The following USP7 variants were observed in gnomAD, a reference collection of about 807,000 sequenced individuals.
USP7 encodes the protein ubiquitin specific peptidase 7.
In USP7, 9 loss-of-function variants were observed where a neutral mutation model predicts 162.9. The ratio of observed to expected loss-of-function variants is 0.06; its 90% CI spans 0.03 to 0.10. USP7 has a LOEUF of 0.10. Ranked by LOEUF, USP7 falls within the 10% of genes least tolerant of loss-of-function variation. USP7 has a pLI of 1.00. For synonymous variants in USP7, 562 were observed against 475.9 expected (o/e 1.18, Z -2.35); for missense variants, 715 against 1,373.7 (o/e 0.52, Z 7.58).
In USP7 at chr16:8,892,742, T is replaced by C. The variant is rs149429512; in HGVS notation, c.*1256A>G. On this transcript the variant is annotated 3_prime_UTR_variant, in exon 31 of 31. Coordinates refer to ENST00000344836, the MANE Select transcript of USP7 (RefSeq NM_003470.3). The stretch of plus-strand genomic sequence containing the variant: ...GGCCTGTTTCCAGGGAGAGTAGAAA[T>C]CTTCCTCCACTTCCACGTAACTCAC... The C allele has an allele frequency of 6.6e-6, 1 of 151,906 alleles. No individual in the cohort carries two copies. Among genetic ancestry groups the C allele is most frequent in the African/African-American group, 2.4e-5 (1 of 41,436 alleles). The allele number at this position is 151,906 out of a possible 1,614,324, so 9.4% of individuals were successfully genotyped here.
intron 1 of USP7, among the ~76,000 whole-genome samples, chr16:8,951,441 A>C (rs1375805332): frequency 6.6e-6 from 1 of 152,146 alleles, no homozygotes; most frequent in East Asian, 1.9e-4. Context: ...CTCCACAGAG[A>C]ACACAGCCCG....
chr16:8,917,276 T>C (rs1897423105), intron 6 of USP7, 120 bp from the exon 7 acceptor site: 1 of 1,241,908 alleles, frequency 8.1e-7, no homozygotes. Context: ...TGGCTAAGGT[T>C]GTTGTTAGGG....
chr16:8,916,485 T>C lies in USP7; in HGVS notation c.906+17A>G, dbSNP rs759338872. On this transcript the variant is annotated intron_variant, in intron 8 of 30. Transcript: ENST00000344836. The stretch of plus-strand genomic sequence containing the variant: ...ATATTCATTGTAAGAAATATACAAG[T>C]ATTGCTTGAAACTTACCACTCGACA... The C allele has an allele frequency of 1.9e-6, 3 of 1,605,458 alleles. No individual in the cohort carries two copies. The highest frequency in any genetic ancestry group is 4.5e-5 in the East Asian group (2 of 44,624).
chr16:8,931,609 C>T (rs999675368), intron 1 of USP7, among the ~76,000 whole-genome samples: 1 of 152,182 alleles, frequency 6.6e-6, no homozygotes, highest in Admixed American at 6.5e-5. Flanking sequence ...AATGCTTGGG[C>T]TGAAAAACAC....
At chr16:8,934,683 A>G (rs1017835123) in intron 1 of USP7, among the ~76,000 whole-genome samples, 5 of 152,226 alleles carry the variant, frequency 3.3e-5, no homozygotes, top group African/African-American at 1.2e-4. Context: ...AACACATCTG[A>G]GTTGGTGTGG....
intron 26 of USP7, among the ~76,000 whole-genome samples, chr16:8,896,367 ACT>A (rs2061681743): frequency 6.6e-6 from 1 of 151,900 alleles, no homozygotes; most frequent in Non-Finnish European, 1.5e-5. Flanking sequence ...TTCCTCGCTT[ACT>A]CTTATTAGGT....
At chr16:8,911,470 T>A (rs973474675) in intron 10 of USP7, among the ~76,000 whole-genome samples, 1 of 152,142 alleles carries the variant, frequency 6.6e-6, no homozygotes, top group African/African-American at 2.4e-5. Context: ...GAATTGTATA[T>A]CCAGAGTGTA....
chr16:8,925,973 T>A (rs1897965912), intron 2 of USP7, among the ~76,000 whole-genome samples: 1 of 147,890 alleles, frequency 6.8e-6, no homozygotes, highest in Non-Finnish European at 1.5e-5. Context: ...GCTAACACGG[T>A]CAAACTCCAT....
At chr16:8,952,850 T>C (rs1179396369) in intron 1 of USP7, among the ~76,000 whole-genome samples, 1 of 151,728 alleles carries the variant, frequency 6.6e-6, no homozygotes, top group Non-Finnish European at 1.5e-5. Context: ...TTTTTTTTTT[T>C]AAGACGGAGT....
rs778217447 is a variant in USP7 at position 8,915,240 on chromosome 16, C to A, written c.1078+14G>T. On this transcript the variant is annotated intron_variant, in intron 10 of 30. Coordinates refer to ENST00000344836, the MANE Select transcript of USP7 (RefSeq NM_003470.3). ...CATCAAAAGATCATGCCATTAGATA[C>A]ACACAACACTTACTATTTTTCTTTC... 1.9e-6 allele frequency: 3 copies of A among 1,579,454 alleles called. No homozygotes were observed. The highest frequency in any genetic ancestry group is 1.9e-5 in the Admixed American group (1 of 53,302).
intron 1 of USP7, among the ~76,000 whole-genome samples, chr16:8,941,889 G>A (rs1435749757): frequency 6.6e-6 from 1 of 152,214 alleles, no homozygotes; most frequent in Non-Finnish European, 1.5e-5. Flanking sequence ...TGCTCACTAG[G>A]AAGTGGGAGG....
Position 8,892,783 on chromosome 16 carries a change from A to C in USP7, c.*1215T>G, listed in dbSNP as rs2061618862. On this transcript the variant is annotated 3_prime_UTR_variant, in exon 31 of 31. Coordinates refer to ENST00000344836, the MANE Select transcript of USP7 (RefSeq NM_003470.3). Reference sequence around the variant, plus strand: ...CGTAACTCACTGAATTATAATTTTTATAGAAAATTTTATTCAACATACAAC... The same window carrying C: ...CGTAACTCACTGAATTATAATTTTTCTAGAAAATTTTATTCAACATACAAC... 1 of 152,216 alleles carries C rather than the reference A, an allele frequency of 6.6e-6. No homozygotes were observed. 9.4% of individuals were successfully genotyped at this position (152,216 alleles called of 1,614,324 possible).
chr16:8,894,415 G>C, intron 30 of USP7, 135 bp downstream of exon 30: 1 of 779,796 alleles, frequency 1.3e-6, no homozygotes, highest in Non-Finnish European at 2.0e-6. Context: ...GAATGCTATT[G>C]CTCCTGGTTC....
chr16:8,962,466 A>C, intron 1 of USP7: 1 of 449,220 alleles, frequency 2.2e-6, no homozygotes, highest in Non-Finnish European at 4.5e-6. Context: ...TCGGCAGAAA[A>C]CCGAGTTACC....
At chr16:8,904,314 G>A (rs2061824608) in intron 15 of USP7, 121 bp downstream of exon 15, 1 of 1,516,886 alleles carries the variant, frequency 6.6e-7, no homozygotes, top group Non-Finnish European at 8.9e-7. Flanking sequence ...GTACAGAGAT[G>A]GATGCCCTGC....
At chr16:8,904,934 T>C (rs2061836735) in intron 14 of USP7, among the ~76,000 whole-genome samples, 1 of 152,170 alleles carries the variant, frequency 6.6e-6, no homozygotes, top group African/African-American at 2.4e-5. Context: ...ATCGCGCCAC[T>C]GCACTCCAGC....
intron 5 of USP7, among the ~76,000 whole-genome samples, chr16:8,919,619 T>C (rs577064310): frequency 1.5e-3 from 224 of 152,202 alleles, no homozygotes; most frequent in African/African-American, 5.0e-3. Flanking sequence ...TATTTTGTGA[T>C]TTTGGTGGTT....
chr16:8,904,754 A>G (rs1278104633), intron 14 of USP7, among the ~76,000 whole-genome samples, 189 bp from the exon 15 acceptor site: 5 of 151,718 alleles, frequency 3.3e-5, no homozygotes, highest in South Asian at 2.1e-4. Flanking sequence ...CATCTTGGCT[A>G]ACATGGTGAA....
chr16:8,950,614 C>A (rs552593523), intron 1 of USP7, among the ~76,000 whole-genome samples: 13 of 152,340 alleles, frequency 8.5e-5, no homozygotes, highest in African/African-American at 2.6e-4. Flanking sequence ...ACAGAGACAA[C>A]AGTCTCAGTT....
Sources: gnomAD v4.1 joint callset for allele counts (sites outside exome capture counted in the v4.1 genomes callset) on GRCh38, gnomAD v4.1.1 for gene constraint, MANE v1.5 for transcripts, NCBI Gene and HGNC (gene_info 2026-07-23, HGNC 2026-07-21) for gene names.